Variants in SHB observed in about 807,000 individuals in gnomAD.
SHB encodes the protein SH2 domain containing adaptor protein B, also known as SH2 domain-containing adapter protein B.
A neutral mutation model predicts 52.3 loss-of-function variants in SHB; 20 were observed. That is an observed-to-expected ratio of 0.38 (90% CI 0.27 to 0.56). SHB has a LOEUF of 0.56. SHB is among the 20% of genes least tolerant of loss of function. The pLI, the probability that SHB is intolerant of heterozygous loss-of-function variation, is 0.71. For missense variants in SHB, 825 were observed against 723.3 expected (o/e 1.14, Z -1.61); for synonymous variants, 397 against 316.5 (o/e 1.25, Z -2.70).
chr9:37,999,176 C>A (rs1314236314), intron 2 of SHB, among the ~76,000 whole-genome samples: 1 of 152,142 alleles, frequency 6.6e-6, no homozygotes, highest in Non-Finnish European at 1.5e-5. Context: ...TCTGAGGAAC[C>A]CAGTGGAGAT....
At chr9:38,022,308 T>C (rs1281192203) in intron 1 of SHB, among the ~76,000 whole-genome samples, 1 of 152,154 alleles carries the variant, frequency 6.6e-6, no homozygotes, top group African/African-American at 2.4e-5. Context: ...TCCTTTACCT[T>C]AGCAAGGCAG....
At chr9:38,036,751 T>C (rs1013810785) in intron 1 of SHB, among the ~76,000 whole-genome samples, 1 of 152,192 alleles carries the variant, frequency 6.6e-6, no homozygotes, top group Non-Finnish European at 1.5e-5. Context: ...AGCTGAATAA[T>C]AATACAAGAA....
At chr9:37,974,531 C>T (rs1180390440) in intron 3 of SHB, 91 bp downstream of exon 3, 3 of 1,094,142 alleles carry the variant, frequency 2.7e-6, no homozygotes, top group African/African-American at 1.6e-5. Flanking sequence ...ATTAAACAAC[C>T]CTGGAGTTTG....
intron 1 of SHB, among the ~76,000 whole-genome samples, chr9:38,039,269 C>G (rs1821536751): frequency 6.6e-6 from 1 of 152,236 alleles, no homozygotes; most frequent in Non-Finnish European, 1.5e-5. Context: ...TCTGATTAAT[C>G]ATTAAATCTA....
At chr9:38,042,860 C>T (rs1335848579) in intron 1 of SHB, among the ~76,000 whole-genome samples, 2 of 152,190 alleles carry the variant, frequency 1.3e-5, no homozygotes, top group Non-Finnish European at 2.9e-5. Flanking sequence ...CTTTCCCAGA[C>T]TCCCTGCAGT....
chr9:37,962,232 T>G (rs1192590202), intron 3 of SHB, among the ~76,000 whole-genome samples: 3 of 152,196 alleles, frequency 2.0e-5, no homozygotes, highest in Non-Finnish European at 4.4e-5. Flanking sequence ...ACAATGCCTG[T>G]ATCAGAAACC....
At chr9:37,958,777 G>A (rs1302516439) in intron 3 of SHB, among the ~76,000 whole-genome samples, 1 of 152,254 alleles carries the variant, frequency 6.6e-6, no homozygotes, top group Non-Finnish European at 1.5e-5. Flanking sequence ...TGGCCTTCCA[G>A]TAGCCTGGAT....
At chr9:37,939,555 T>A (rs952140254) in intron 5 of SHB, among the ~76,000 whole-genome samples, 1 of 152,150 alleles carries the variant, frequency 6.6e-6, no homozygotes, top group African/African-American at 2.4e-5. Flanking sequence ...TTTCTCCATG[T>A]CACCACTGCC....
At chr9:38,030,811 G>T (rs1384633753) in intron 1 of SHB, among the ~76,000 whole-genome samples, 1 of 152,186 alleles carries the variant, frequency 6.6e-6, no homozygotes, top group Non-Finnish European at 1.5e-5. Context: ...GGCCCAGACT[G>T]TAATCCCCTC....
intron 2 of SHB, among the ~76,000 whole-genome samples, chr9:38,009,410 T>A (rs1405496462): frequency 6.6e-6 from 1 of 152,178 alleles, no homozygotes; most frequent in Non-Finnish European, 1.5e-5. Context: ...ATGAAGTCAC[T>A]CCAGACCCAT....
At chr9:37,949,440 GAAGA>G (rs986332403) in intron 4 of SHB, among the ~76,000 whole-genome samples, 2 of 146,338 alleles carry the variant, frequency 1.4e-5, no homozygotes, top group Non-Finnish European at 3.0e-5. Context: ...GGAAAAAAAA[GAAGA>G]AAGAAAAAAA....
rs369798100 is a variant in SHB at position 38,035,882 on chromosome 9, G to A, written c.718-19751C>T. Among the ~76,000 whole-genome samples, 13 of 152,226 alleles carry A rather than the reference G, an allele frequency of 8.5e-5. No homozygotes were observed. In the East Asian group the frequency reaches 2.5e-3, roughly 29 times the overall value. On this transcript the variant is annotated intron_variant, in intron 1 of 5. Coordinates refer to ENST00000377707, the MANE Select transcript of SHB (RefSeq NM_003028.3). ...TCTGATTTAAGTGGCCCAAGGTGGGGCCTGGGATTAGTATTTCTAAAAGCT... is the reference window on the plus strand; with the variant it reads ...TCTGATTTAAGTGGCCCAAGGTGGGACCTGGGATTAGTATTTCTAAAAGCT...
At chr9:37,996,053 T>G (rs1276633644) in intron 2 of SHB, among the ~76,000 whole-genome samples, 1 of 152,150 alleles carries the variant, frequency 6.6e-6, no homozygotes, top group Non-Finnish European at 1.5e-5. Flanking sequence ...CCAGGGTGCT[T>G]TGTAGAGATT....
At chr9:37,986,949 C>T (rs1157683019) in intron 2 of SHB, among the ~76,000 whole-genome samples, 8 of 152,222 alleles carry the variant, frequency 5.3e-5, no homozygotes, top group Admixed American at 2.0e-4. Flanking sequence ...CTGCTGGGCA[C>T]GGTGCGGTCT....
intron 2 of SHB, among the ~76,000 whole-genome samples, chr9:38,003,219 T>C (rs1032462678): frequency 2.9e-4 from 44 of 152,022 alleles, no homozygotes; most frequent in African/African-American, 8.5e-4. Context: ...GCCAAAGGCA[T>C]AGGGACCTGC....
At chr9:38,002,089 G>A (rs1475413971) in intron 2 of SHB, among the ~76,000 whole-genome samples, 2 of 152,160 alleles carry the variant, frequency 1.3e-5, no homozygotes, top group African/African-American at 4.8e-5. Flanking sequence ...CTGACCCTGG[G>A]TGGGTCACTT....
chr9:37,972,820 G>C lies in SHB; in HGVS notation c.1054+1802C>G, dbSNP rs80159274. ...ACAGCAATTAAGGGGCCTGGGATGA[G>C]GGCAGGGTAGAGGCCTCACTGTTCG... On this transcript the variant is annotated intron_variant, in intron 3 of 5. Coordinates refer to ENST00000377707, the MANE Select transcript of SHB (RefSeq NM_003028.3). Among the ~76,000 whole-genome samples, 945 of 152,308 alleles carry C rather than the reference G, an allele frequency of 6.2e-3. 15 individuals carry two copies. The highest frequency in any genetic ancestry group is 0.022 in the African/African-American group (907 of 41,552).
At chr9:37,970,411 C>A (rs562972242) in intron 3 of SHB, among the ~76,000 whole-genome samples, 1 of 152,186 alleles carries the variant, frequency 6.6e-6, no homozygotes, top group Non-Finnish European at 1.5e-5. Context: ...CTGAGCCTTC[C>A]GCGGTGGCAG....
intron 1 of SHB, among the ~76,000 whole-genome samples, chr9:38,032,160 G>C (rs917433604): frequency 1.3e-5 from 2 of 152,176 alleles, no homozygotes; most frequent in African/African-American, 4.8e-5. Context: ...CTTACAGAGG[G>C]GGCACCGCCT....
Sources: gnomAD v4.1 joint callset for allele counts (sites outside exome capture counted in the v4.1 genomes callset) on GRCh38, gnomAD v4.1.1 for gene constraint, MANE v1.5 for transcripts, NCBI Gene and HGNC (gene_info 2026-07-23, HGNC 2026-07-21) for gene names.